ZNF250: variants seen among roughly 807,000 people sequenced by gnomAD.
ZNF250 encodes the protein zinc finger protein 250, also known as zinc finger protein (clone 647).
In ZNF250, 13 loss-of-function variants were observed where a neutral mutation model predicts 37.1. The observed-to-expected ratio is 0.35, with a 90% confidence interval of 0.23 to 0.56. The LOEUF is 0.56. Among genes scored for constraint, ZNF250 ranks in the 20% least tolerant of loss-of-function variants. The pLI is 0.87. For missense variants in ZNF250, 474 were observed against 697.9 expected (o/e 0.68, Z 3.61); for synonymous variants, 251 against 265.6 (o/e 0.94, Z 0.54).
rs1044252759 is a variant in ZNF250 at position 144,878,622 on chromosome 8, C to T, written c.*2893G>A. ...TGAAGCAGAACCTCAGTGATCTCAG[C>T]TCCTAAGTAACATCTCAGCATTCTC... On this transcript the variant is annotated 3_prime_UTR_variant, in exon 6 of 6. Coordinates refer to ENST00000417550, the MANE Select transcript of ZNF250 (RefSeq NM_001109689.4). The T allele has an allele frequency of 5.9e-5, 9 of 152,304 alleles. No individual in the cohort carries two copies. Among genetic ancestry groups the T allele is most frequent in the African/African-American group, 2.2e-4 (9 of 41,560 alleles). 9.4% of individuals were successfully genotyped at this position (152,304 alleles called of 1,614,324 possible). A position where few individuals can be genotyped will look rare whatever the true frequency, so the allele number is the denominator to read the frequency against.
At position 144,882,693 on chromosome 8, in the gene ZNF250, G is replaced by T. The variant is rs754666870; in HGVS notation, c.490C>A (p.Pro164Thr). The T allele has an allele frequency of 1.9e-6, 3 of 1,613,922 alleles. No individual in the cohort carries two copies. Among genetic ancestry groups the T allele is most frequent in the African/African-American group, 1.3e-5 (1 of 75,024 alleles). ...ACTTCACGGTGGTCAACAGAGTTTG[G>T]ACTCAGACAGAAGCTTTGCTTTGTT... is the stretch of plus-strand genomic sequence containing the variant. ...NETKQSFCLS[P>T]NSVDHREVQV... Residue 164 changes from proline to threonine, a missense_variant, in exon 6 of 6, where the codon CCA (proline) becomes ACA (threonine). Pro to Thr is a conservative substitution (Grantham distance 38). Transcript: ENST00000417550. This position sits in a 1 kb window ranked among gnomAD's most constrained non-coding sequence, Gnocchi z 5.5.
At chr8:144,898,674 T>C (rs1025781202) in intron 1 of ZNF250, among the ~76,000 whole-genome samples, 1 of 152,122 alleles carries the variant, frequency 6.6e-6, no homozygotes, top group Non-Finnish European at 1.5e-5. Flanking sequence ...GAAGAAAATA[T>C]TTACAAGCTA....
intron 3 of ZNF250, 111 bp downstream of exon 3, chr8:144,889,822 G>A: frequency 6.8e-7 from 1 of 1,466,886 alleles, no homozygotes; most frequent in South Asian, 1.3e-5. Flanking sequence ...ACCCAGAGAG[G>A]TGATGAGAGC....
chr8:144,892,688 G>A (rs1220461058), intron 1 of ZNF250, among the ~76,000 whole-genome samples: 2 of 151,930 alleles, frequency 1.3e-5, no homozygotes, highest in African/African-American at 4.8e-5. Flanking sequence ...CCAAGTAGCT[G>A]GGATTACAGG....
Position 144,882,559 on chromosome 8 carries a change from G to T in ZNF250, c.624C>A (p.His208Gln). Residue 208 changes from histidine (H) to glutamine (Q), a missense_variant, in exon 6 of 6, where the codon CAC (histidine) becomes CAA (glutamine). This residue lies in a region of ZNF250 where 282 missense variants were observed against 470.4 expected (regional missense o/e 0.60). Transcript: ENST00000417550. This position sits in a 1 kb window ranked among gnomAD's most constrained non-coding sequence, Gnocchi z 5.5. ...ECGKCFGRSSHLLQHQRIHTG... is the reference protein window; with the variant it reads ...ECGKCFGRSSQLLQHQRIHTG... ...TGTGGATACGCTGATGCTGAAGGAG[G>T]TGGGAACTCCGGCCAAAGCACTTCC... 6.2e-7 allele frequency: 1 copy of T among 1,614,166 alleles called. No individual in the cohort carries two copies. Among genetic ancestry groups the T allele is most frequent in the East Asian group, 2.2e-5 (1 of 44,882 alleles).
Position 144,882,028 on chromosome 8 carries a change from G to A in ZNF250, c.1155C>T (p.Thr385=), listed in dbSNP as rs766107965. 1.6e-5 allele frequency: 25 copies of A among 1,612,306 alleles called. No individual in the cohort carries two copies. Among genetic ancestry groups the A allele is most frequent in the Non-Finnish European group, 2.0e-5 (24 of 1,179,558 alleles). The part of the protein sequence containing the change: ...SVLIQHHNVH[T]GEKPYECSEC... ...CACTGCACTCATAGGGCTTCTCCCCGGTGTGCACGTTGTGGTGCTGAATGA... is the reference window on the plus strand; with the variant it reads ...CACTGCACTCATAGGGCTTCTCCCCAGTGTGCACGTTGTGGTGCTGAATGA... The change falls in exon 6 of 6, where the codon ACC becomes ACT. Residue 385 remains threonine, a synonymous_variant. Transcript: ENST00000417550. This position sits in a 1 kb window ranked among gnomAD's most constrained non-coding sequence, Gnocchi z 5.5.
At chr8:144,889,127 G>A (rs573190102) in intron 4 of ZNF250, among the ~76,000 whole-genome samples, 3 of 152,368 alleles carry the variant, frequency 2.0e-5, no homozygotes, top group Admixed American at 2.0e-4. Context: ...CATGGGGATG[G>A]CGGGCTTCTT....
At chr8:144,895,759 C>T (rs528350107) in intron 1 of ZNF250, among the ~76,000 whole-genome samples, 46 of 151,982 alleles carry the variant, frequency 3.0e-4, no homozygotes, top group Non-Finnish European at 6.5e-4. Flanking sequence ...CCTGTAATCC[C>T]AGCACTTTGG....
Position 144,897,131 on chromosome 8 carries a change from A to G in ZNF250, c.-55+4268T>C, listed in dbSNP as rs998164372. 1.3e-5 allele frequency among the ~76,000 whole-genome samples: 2 copies of G among 152,178 alleles called. No individual in the cohort carries two copies. Among genetic ancestry groups the G allele is most frequent in the Non-Finnish European group, 2.9e-5 (2 of 68,034 alleles). ...GATGTGACAAAGCAGTGTGCCTGTC[A>G]TTCCAGAGGACCCTGCACATGGTCA... On this transcript the variant is annotated intron_variant, in intron 1 of 5. Transcript: ENST00000417550. The surrounding 1 kb of genome is among the most constrained non-coding windows in gnomAD (Gnocchi z 5.2).
chr8:144,886,159 AG>A (rs1460752694), intron 5 of ZNF250, among the ~76,000 whole-genome samples: 1 of 151,766 alleles, frequency 6.6e-6, no homozygotes, highest in Non-Finnish European at 1.5e-5. Flanking sequence ...GTAACAAGAT[AG>A]ACAAGATGTC....
intron 5 of ZNF250, among the ~76,000 whole-genome samples, chr8:144,885,168 G>A (rs1210759454): frequency 2.6e-5 from 4 of 152,138 alleles, no homozygotes; most frequent in Non-Finnish European, 1.5e-5. Context: ...TGCCCAGGCT[G>A]GAGTGCAATG....
rs776455254 is a variant in ZNF250, at chr8:144,889,936, A to G, written c.166T>C (p.Leu56=). The G allele has an allele frequency of 6.2e-6, 10 of 1,601,284 alleles. No homozygotes were observed. The East Asian group carries it at 2.0e-4, about 32-fold the overall frequency. ...GAGGCCTGCTAAGGTGGCTTACCCA[A>G]TGAGACTACATTCCCATAGGTTTCC... ...MMETYGNVVS[L]GLPGSKPDII... is the part of the protein sequence containing the mutation. The change falls in exon 3 of 6, where the codon TTG becomes CTG. Residue 56 remains leucine (L), a synonymous_variant. Coordinates refer to ENST00000417550, the MANE Select transcript of ZNF250 (RefSeq NM_001109689.4).
In ZNF250 at chr8:144,890,074, G is replaced by T. The variant is rs376850799; in HGVS notation, c.43-15C>A. ...GTCAGCTTGGCCTGGAACGACAGGG[G>T]CTGCTGCAGGTAAAACCAAATCCTG... is the stretch of plus-strand genomic sequence containing the variant. On this transcript the variant is annotated splice_polypyrimidine_tract_variant and intron_variant, in intron 2 of 5. Coordinates refer to ENST00000417550, the MANE Select transcript of ZNF250 (RefSeq NM_001109689.4). The surrounding 1 kb of genome is among the most constrained non-coding windows in gnomAD (Gnocchi z 5.1). The T allele has an allele frequency of 2.2e-5, 35 of 1,609,416 alleles. No individual in the cohort carries two copies. The highest frequency in any genetic ancestry group is 3.0e-5 in the Non-Finnish European group (35 of 1,177,910).
chr8:144,898,712 A>G (rs1832888281), intron 1 of ZNF250, among the ~76,000 whole-genome samples: 1 of 152,240 alleles, frequency 6.6e-6, no homozygotes, highest in Admixed American at 6.5e-5. Flanking sequence ...TAATAACCAG[A>G]ATGCAGAAGG....
At position 144,890,018 on chromosome 8, in the gene ZNF250, C is replaced by T. The variant is rs373854770; in HGVS notation, c.84G>A (p.Gln28=). ...TFEDVAVLLS[Q]DEWDRLCPAQ... ...CAGGGCACAGGCGGTCCCATTCATC[C>T]TGGGAGAGGAGCACAGCCACATCCT... The change falls in exon 3 of 6, where the codon CAG becomes CAA. Residue 28 remains glutamine (Q), a synonymous_variant. Transcript: ENST00000417550. The surrounding 1 kb of genome is among the most constrained non-coding windows in gnomAD (Gnocchi z 5.1). The T allele has an allele frequency of 4.3e-6, 7 of 1,613,094 alleles. No individual in the cohort carries two copies. The highest frequency in any genetic ancestry group is 1.3e-5 in the African/African-American group (1 of 74,918).
In ZNF250 at chr8:144,882,433, A is replaced by G. The variant is rs1831553718; in HGVS notation, c.750T>C (p.Tyr250=). The change falls in exon 6 of 6, where the codon TAT becomes TAC. Residue 250 remains tyrosine (Y), a synonymous_variant. Transcript: ENST00000417550. This position sits in a 1 kb window ranked among gnomAD's most constrained non-coding sequence, Gnocchi z 5.5. ...AGGCTTTTCCACACTCATTACACTCATAGGGCTTCTCACCTGTGTGAATTC... is the reference window on the plus strand; with the variant it reads ...AGGCTTTTCCACACTCATTACACTCGTAGGGCTTCTCACCTGTGTGAATTC... ...HRRIHTGEKP[Y]ECNECGKAFR... is the part of the protein sequence containing the mutation. 1.2e-6 allele frequency: 2 copies of G among 1,614,042 alleles called. No individual in the cohort carries two copies. Among genetic ancestry groups the G allele is most frequent in the East Asian group, 4.5e-5 (2 of 44,836 alleles).
rs539661842 is a variant in ZNF250, at chr8:144,901,102, G to T, written c.-55+297C>A. 6.6e-6 allele frequency among the ~76,000 whole-genome samples: 1 copy of T among 152,024 alleles called. No individual in the cohort carries two copies. Among genetic ancestry groups the T allele is most frequent in the African/African-American group, 2.4e-5 (1 of 41,392 alleles). On this transcript the variant is annotated intron_variant, in intron 1 of 5. Transcript: ENST00000417550. The surrounding 1 kb of genome is among the most constrained non-coding windows in gnomAD (Gnocchi z 5.4). Reference sequence around the variant, plus strand: ...GGACGCCGGTCTGACGGGGCCCAAGGGGGTAGGGGCGGGGAAGGGACCGAG... The same window carrying T: ...GGACGCCGGTCTGACGGGGCCCAAGTGGGTAGGGGCGGGGAAGGGACCGAG...
In ZNF250 at chr8:144,883,306, G is replaced by A. The variant is rs532330836; in HGVS notation, c.347-470C>T. Among the ~76,000 whole-genome samples, 275 of 152,246 alleles carry A rather than the reference G, an allele frequency of 1.8e-3. 1 individual carries two copies. The highest frequency in any genetic ancestry group is 2.4e-3 in the Non-Finnish European group (164 of 68,004). On this transcript the variant is annotated intron_variant, in intron 5 of 5. Coordinates refer to ENST00000417550, the MANE Select transcript of ZNF250 (RefSeq NM_001109689.4). ...CAACAGACTTGTACATGAGGTAGGG[G>A]TGGTGGTGCTGCCACCTCTTTGTGG...
rs1832344488 is a variant in ZNF250, at chr8:144,891,628, G to A, written c.-54-1225C>T. ...GCACTTTGGGAGGCCGAGGCAGGCG[G>A]ATCACCCGAGGTTGGGAGTTCGAGA... On this transcript the variant is annotated intron_variant, in intron 1 of 5. Coordinates refer to ENST00000417550, the MANE Select transcript of ZNF250 (RefSeq NM_001109689.4). This position sits in a 1 kb window ranked among gnomAD's most constrained non-coding sequence, Gnocchi z 4.0. Among the ~76,000 whole-genome samples the A allele has an allele frequency of 6.6e-6, 1 of 151,942 alleles. No homozygotes were observed. The highest frequency in any genetic ancestry group is 1.5e-5 in the Non-Finnish European group (1 of 67,990).
Sources: allele counts gnomAD v4.1 joint callset (sites outside exome capture counted in the v4.1 genomes callset), GRCh38; gene constraint gnomAD v4.1.1; regional missense constraint gnomAD v4.1.1; non-coding constraint Gnocchi (gnomAD v3.1); transcripts MANE v1.5; gene names NCBI Gene and HGNC (gene_info 2026-07-23, HGNC 2026-07-21).